MAGI1: variants seen among roughly 807,000 people sequenced by gnomAD.
MAGI1 encodes the protein membrane-associated guanylate kinase, WW and PDZ domain-containing protein 1.
MAGI1 carries 58 observed loss-of-function variants against 139.9 expected under a neutral mutation model. That is an observed-to-expected ratio of 0.41 (90% confidence interval 0.34 to 0.52). MAGI1 has a LOEUF of 0.52. Among genes scored for constraint, MAGI1 ranks in the 20% least tolerant of loss-of-function variants. The probability of loss-of-function intolerance (pLI) is 0.12; values close to 1 mark genes in which losing one functional copy is unlikely to be tolerated. For synonymous variants in MAGI1, 812 were observed against 737.9 expected, an observed-to-expected ratio of 1.10 and a Z score of -1.63; for missense variants, 1,874 against 1,901.6, an observed-to-expected ratio of 0.99 and a Z score of 0.27.
intron 1 of MAGI1, among the ~76,000 whole-genome samples, chr3:65,748,373 T>C (rs2035870630): frequency 6.6e-6 from 1 of 152,110 alleles, no homozygotes; most frequent in African/African-American, 2.4e-5. Flanking sequence ...CAAGTTCAAG[T>C]CTTTTGGGGA....
At chr3:65,587,440 T>C (rs928866116) in intron 2 of MAGI1, among the ~76,000 whole-genome samples, 5 of 152,006 alleles carry the variant, frequency 3.3e-5, no homozygotes, top group South Asian at 2.1e-4. Flanking sequence ...TGAATACATA[T>C]GGCATTTCTT....
At chr3:66,020,644 T>C (rs1351758603) in intron 1 of MAGI1, among the ~76,000 whole-genome samples, 1 of 152,214 alleles carries the variant, frequency 6.6e-6, no homozygotes, top group Admixed American at 6.5e-5. Context: ...CTAAGTTATA[T>C]GCATCAGTTC....
At chr3:65,997,834 C>A (rs986495287) in intron 1 of MAGI1, among the ~76,000 whole-genome samples, 2 of 152,106 alleles carry the variant, frequency 1.3e-5, no homozygotes, top group Admixed American at 6.6e-5. Flanking sequence ...AAGGACTGTT[C>A]GCCAACTCTA....
chr3:65,857,631 T>C (rs1303873506), intron 1 of MAGI1, among the ~76,000 whole-genome samples: 1 of 152,222 alleles, frequency 6.6e-6, no homozygotes, highest in East Asian at 1.9e-4. Context: ...CTGTGATTTT[T>C]AGCTCTTCCA....
chr3:65,404,443 T>C (rs530549693), intron 12 of MAGI1, among the ~76,000 whole-genome samples: 1 of 152,280 alleles, frequency 6.6e-6, no homozygotes, highest in South Asian at 2.1e-4. Flanking sequence ...TTGTTCCTCT[T>C]TGCCGGCTAG....
At chr3:65,803,780 A>C (rs2040667163) in intron 1 of MAGI1, among the ~76,000 whole-genome samples, 2 of 152,070 alleles carry the variant, frequency 1.3e-5, no homozygotes, top group Admixed American at 6.6e-5. Context: ...GCTCCCACTT[A>C]CAAGTGAGAA....
At chr3:66,020,812 C>T (rs1047375815) in intron 1 of MAGI1, among the ~76,000 whole-genome samples, 5 of 152,098 alleles carry the variant, frequency 3.3e-5, no homozygotes, top group African/African-American at 9.7e-5. Context: ...TTCAGTCATC[C>T]ATTATATTCA....
chr3:65,466,652 C>G (rs999124068), intron 5 of MAGI1, among the ~76,000 whole-genome samples: 5 of 152,206 alleles, frequency 3.3e-5, no homozygotes, highest in African/African-American at 4.8e-5. Context: ...TCCTCTAAAC[C>G]TCCTCTGACA....
chr3:66,019,524 TGTTAA>T (rs1306979145), intron 1 of MAGI1, among the ~76,000 whole-genome samples: 2 of 152,236 alleles, frequency 1.3e-5, no homozygotes, highest in Non-Finnish European at 2.9e-5. Context: ...GTTTACTAGC[TGTTAA>T]GTTAAAGCAA....
chr3:65,488,820 C>T (rs936278319), intron 3 of MAGI1, among the ~76,000 whole-genome samples: 2 of 151,924 alleles, frequency 1.3e-5, no homozygotes, highest in East Asian at 1.9e-4. Flanking sequence ...TACAGGTGCA[C>T]GCCACCGTGC....
chr3:65,642,768 T>A (rs1206865428), intron 1 of MAGI1, among the ~76,000 whole-genome samples: 1 of 152,198 alleles, frequency 6.6e-6, no homozygotes, highest in East Asian at 1.9e-4. Context: ...ATAGCTTTTT[T>A]AAAAAGTGCC....
intron 6 of MAGI1, among the ~76,000 whole-genome samples, chr3:65,450,749 T>C (rs1948984580): frequency 6.6e-6 from 1 of 152,186 alleles, no homozygotes; most frequent in South Asian, 2.1e-4. Flanking sequence ...CTCGATTTTC[T>C]GAGATAGGAA....
intron 1 of MAGI1, among the ~76,000 whole-genome samples, chr3:65,918,979 G>T (rs1172614435): frequency 6.6e-6 from 1 of 151,886 alleles, no homozygotes; most frequent in Non-Finnish European, 1.5e-5. Flanking sequence ...AGCCAAAAGG[G>T]TATAAAATTG....
At chr3:65,370,824 GT>G (rs1190722000) in intron 18 of MAGI1, among the ~76,000 whole-genome samples, 2 of 152,136 alleles carry the variant, frequency 1.3e-5, no homozygotes, top group African/African-American at 4.8e-5. Context: ...CTAGCTAATT[GT>G]TTTGAATTTT....
At chr3:66,030,034 G>T (rs1043941974) in intron 1 of MAGI1, among the ~76,000 whole-genome samples, 4 of 152,170 alleles carry the variant, frequency 2.6e-5, no homozygotes, top group African/African-American at 9.7e-5. Flanking sequence ...AATTGGAAAT[G>T]TGACCTTATC....
chr3:65,372,121 A>T (rs957407264), intron 18 of MAGI1, among the ~76,000 whole-genome samples: 3 of 152,254 alleles, frequency 2.0e-5, no homozygotes, highest in Non-Finnish European at 2.9e-5. Flanking sequence ...CAAATCCATT[A>T]GAGCCATCAC....
intron 1 of MAGI1, among the ~76,000 whole-genome samples, chr3:65,690,748 C>CCTCCCAATGTGCTGGGATTACAGG (rs1241158055): frequency 6.6e-6 from 1 of 151,752 alleles, no homozygotes; most frequent in African/African-American, 2.4e-5. Context: ...GGGATTACAG[C>CCTCCCAATGTGCTGGGATTACAGG]CTCCCAATGT....
At chr3:66,006,180 T>C (rs1365194343) in intron 1 of MAGI1, among the ~76,000 whole-genome samples, 1 of 152,198 alleles carries the variant, frequency 6.6e-6, no homozygotes, top group African/African-American at 2.4e-5. Flanking sequence ...GATTTAGCTG[T>C]CCACCAGACA....
At chr3:65,687,325 T>C (rs775802295) in intron 1 of MAGI1, 1 of 237,906 alleles carries the variant, frequency 4.2e-6, no homozygotes, top group South Asian at 6.5e-5. Flanking sequence ...AAGGTCATGG[T>C]TGTGGTGGAC....
Sources: allele counts gnomAD v4.1 joint callset (sites outside exome capture counted in the v4.1 genomes callset), GRCh38; gene constraint gnomAD v4.1.1; transcripts MANE v1.5; gene names NCBI Gene and HGNC (gene_info 2026-07-23, HGNC 2026-07-21).